Variants in PRKCA observed in about 807,000 individuals in gnomAD.
The protein encoded by PRKCA is protein kinase C alpha, also known as protein kinase C alpha type.
Under a neutral mutation model 87.0 loss-of-function variants are expected in PRKCA, and 27 were observed. The ratio of observed to expected loss-of-function variants is 0.31; its 90% CI spans 0.23 to 0.43. The LOEUF (loss-of-function observed/expected upper bound fraction) is 0.43, where lower values mean the gene tolerates loss of function less well. Ranked by LOEUF, PRKCA falls within the 20% of genes least tolerant of loss-of-function variation. The probability of loss-of-function intolerance (pLI) is 1.00; values close to 1 mark genes in which losing one functional copy is unlikely to be tolerated. For missense variants in PRKCA, 518 were observed against 852.3 expected (o/e 0.61, Z 4.88); for synonymous variants, 329 against 311.1 (o/e 1.06, Z -0.61).
intron 5 of PRKCA, among the ~76,000 whole-genome samples, chr17:66,656,285 C>T (rs961475247): frequency 1.3e-5 from 2 of 152,188 alleles, no homozygotes; most frequent in African/African-American, 2.4e-5. Flanking sequence ...AGTCATCTGT[C>T]GTCTTTGACT....
intron 2 of PRKCA, among the ~76,000 whole-genome samples, chr17:66,412,272 G>T (rs1398853233): frequency 6.6e-6 from 1 of 152,094 alleles, no homozygotes; most frequent in Non-Finnish European, 1.5e-5. Context: ...GGCCAGGCTG[G>T]TTTCGAACTC....
chr17:66,785,631 A>T (rs1385085278), intron 14 of PRKCA, among the ~76,000 whole-genome samples: 1 of 152,184 alleles, frequency 6.6e-6, no homozygotes, highest in Non-Finnish European at 1.5e-5. Flanking sequence ...GACTACAGAC[A>T]TGCTGGAGGA....
Position 66,788,917 on chromosome 17 carries a change from C to G in PRKCA, c.1792C>G (p.Arg598Gly). Residue 598 changes from arginine to glycine, a missense_variant, in exon 16 of 17, where the codon CGG becomes GGG. Arg to Gly is a moderately radical substitution (Grantham distance 125). Coordinates refer to ENST00000413366, the MANE Select transcript of PRKCA (RefSeq NM_002737.3). ...GGACGTGAGAGAGCATGCCTTCTTC[C>G]GGAGGATCGACTGGGAAAAACTGGA... ...ERDVREHAFF[R>G]RIDWEKLENR... 1.2e-6 allele frequency: 2 copies of G among 1,614,100 alleles called. No individual in the cohort carries two copies. Among genetic ancestry groups the G allele is most frequent in the Non-Finnish European group, 1.7e-6 (2 of 1,179,998 alleles).
At chr17:66,325,053 A>G (rs1277048046) in intron 2 of PRKCA, among the ~76,000 whole-genome samples, 1 of 152,150 alleles carries the variant, frequency 6.6e-6, no homozygotes, top group African/African-American at 2.4e-5. Context: ...TATTTCCCCC[A>G]CTTCTTTTAA....
intron 3 of PRKCA, among the ~76,000 whole-genome samples, chr17:66,518,354 T>C (rs80120392): frequency 0.023 from 3,503 of 152,302 alleles, 130 homozygotes; most frequent in African/African-American, 0.08. Flanking sequence ...GTATTTTCAG[T>C]CTGTGGCTTT....
chr17:66,722,320 G>A (rs1321614019), intron 8 of PRKCA, among the ~76,000 whole-genome samples: 13 of 152,238 alleles, frequency 8.5e-5, no homozygotes, highest in Middle Eastern at 6.8e-3. Context: ...GAAAATGAAC[G>A]TCTCCAGCCA....
intron 1 of PRKCA, among the ~76,000 whole-genome samples, chr17:66,303,503 T>TC (rs5821533): frequency 2.0e-5 from 3 of 151,460 alleles, no homozygotes; most frequent in Non-Finnish European, 2.9e-5. Flanking sequence ...GCGTTCGGGG[T>TC]GGGGGGGTTG....
At position 66,689,072 on chromosome 17, in the gene PRKCA, A is replaced by T; in HGVS notation, c.918+25A>T. The stretch of plus-strand genomic sequence containing the variant: ...GGTGAGGATAACAAAATGCCCGGAA[A>T]CACCTTTCCTTTAGAAAGCCCAACT... On this transcript the variant is annotated intron_variant, in intron 8 of 16. Transcript: ENST00000413366. The surrounding 1 kb of genome is among the most constrained non-coding windows in gnomAD (Gnocchi z 4.1). The T allele has an allele frequency of 6.8e-7, 1 of 1,476,584 alleles. No individual in the cohort carries two copies. The highest frequency in any genetic ancestry group is 1.2e-5 in the South Asian group (1 of 80,052). 91.5% of individuals were successfully genotyped at this position (1,476,584 alleles called of 1,614,324 possible).
chr17:66,719,735 C>T (rs1223465340), intron 8 of PRKCA, among the ~76,000 whole-genome samples: 2 of 152,174 alleles, frequency 1.3e-5, no homozygotes, highest in Non-Finnish European at 2.9e-5. Context: ...CCGCTGCACT[C>T]CTGTCTGGAA....
intron 14 of PRKCA, among the ~76,000 whole-genome samples, chr17:66,782,445 A>G (rs35561065): frequency 0.14 from 22,029 of 152,146 alleles, 1,637 homozygotes; most frequent in East Asian, 0.18. Flanking sequence ...CTTCAGGTTC[A>G]TGCCACCTTC....
At chr17:66,496,155 G>T in intron 2 of PRKCA, 46 bp from the exon 3 acceptor site, 1 of 1,458,054 alleles carries the variant, frequency 6.9e-7, no homozygotes, top group Non-Finnish European at 9.6e-7. Context: ...AAGCTCGTAT[G>T]TTAAATCATG....
chr17:66,420,002 C>CTT (rs558522698), intron 2 of PRKCA, among the ~76,000 whole-genome samples: 45 of 113,686 alleles, frequency 4.0e-4, no homozygotes, highest in African/African-American at 1.0e-3. Flanking sequence ...GGGTTGTGTT[C>CTT]TTTTTTTTTT....
intron 3 of PRKCA, among the ~76,000 whole-genome samples, chr17:66,528,255 T>A (rs1010374923): frequency 6.7e-6 from 1 of 149,694 alleles, no homozygotes; most frequent in Non-Finnish European, 1.5e-5. Flanking sequence ...GATGCATAAT[T>A]GCTGCAGGTA....
At chr17:66,545,233 C>A (rs531995588) in intron 3 of PRKCA, among the ~76,000 whole-genome samples, 3 of 152,262 alleles carry the variant, frequency 2.0e-5, no homozygotes, top group South Asian at 4.1e-4. Context: ...TCGAGACCAT[C>A]CTGGCTAACA....
intron 4 of PRKCA, 68 bp from the exon 5 acceptor site, chr17:66,645,315 C>G: frequency 6.2e-7 from 1 of 1,606,678 alleles, no homozygotes; most frequent in Non-Finnish European, 8.5e-7. Flanking sequence ...TGCTCATGCA[C>G]CAAAACACTG....
intron 5 of PRKCA, 71 bp downstream of exon 5, chr17:66,645,582 A>G: frequency 1.3e-6 from 2 of 1,580,262 alleles, no homozygotes; most frequent in Middle Eastern, 1.7e-4. Context: ...ATATTAAGGC[A>G]GGGTGGGGGC....
At chr17:66,358,630 T>C (rs1908207125) in intron 2 of PRKCA, among the ~76,000 whole-genome samples, 1 of 152,214 alleles carries the variant, frequency 6.6e-6, no homozygotes, top group Non-Finnish European at 1.5e-5. Flanking sequence ...CAGGGTTTCT[T>C]GTTCATTCGG....
At chr17:66,456,042 A>G (rs1914562741) in intron 2 of PRKCA, among the ~76,000 whole-genome samples, 1 of 152,068 alleles carries the variant, frequency 6.6e-6, no homozygotes, top group African/African-American at 2.4e-5. Context: ...ACAGAGACAC[A>G]CAGGAGGAAG....
chr17:66,363,622 G>A (rs1186631326), intron 2 of PRKCA, among the ~76,000 whole-genome samples: 2 of 152,216 alleles, frequency 1.3e-5, no homozygotes, highest in Admixed American at 6.5e-5. Flanking sequence ...GACAATTAAG[G>A]GGCATCTTCC....
Sources: allele counts gnomAD v4.1 joint callset (sites outside exome capture counted in the v4.1 genomes callset), GRCh38; gene constraint gnomAD v4.1.1; non-coding constraint Gnocchi (gnomAD v3.1); transcripts MANE v1.5; gene names NCBI Gene and HGNC (gene_info 2026-07-23, HGNC 2026-07-21).